GRID1: variants seen among roughly 807,000 people sequenced by gnomAD.
GRID1 encodes glutamate receptor ionotropic, delta-1.
GRID1 carries 28 observed loss-of-function variants against 98.0 expected under a neutral mutation model. That is an observed-to-expected ratio of 0.29 (90% CI 0.21 to 0.39). GRID1 has a LOEUF of 0.39. Ranked by LOEUF, GRID1 falls within the 10% of genes least tolerant of loss-of-function variation. The pLI, the probability that GRID1 is intolerant of heterozygous loss-of-function variation, is 1.00. For synonymous variants in GRID1, 553 were observed against 538.5 expected, an observed-to-expected ratio of 1.03 and a Z score of -0.37; for missense variants, 1,111 against 1,340.5, an observed-to-expected ratio of 0.83 and a Z score of 2.67.
Position 86,116,456 on chromosome 10 carries a change from C to T in GRID1, c.726+22363G>A, listed in dbSNP as rs148423312. On this transcript the variant is annotated intron_variant, in intron 4 of 15. Transcript: ENST00000327946. ...GGGAGGAGCCCAGGGTGAGAAGCTG[C>T]CCTTCCCAAACAGCTGGAAGGATCA... is the stretch of plus-strand genomic sequence containing the variant. Among the ~76,000 whole-genome samples, 1,070 of 152,212 alleles carry T rather than the reference C, an allele frequency of 7.0e-3. 13 individuals carry two copies. The highest frequency in any genetic ancestry group is 0.024 in the Middle Eastern group (7 of 294).
chr10:86,286,281 G>A (rs879623410), intron 2 of GRID1, among the ~76,000 whole-genome samples: 4 of 152,158 alleles, frequency 2.6e-5, no homozygotes, highest in African/African-American at 9.7e-5. Context: ...CAAGCATGAC[G>A]GTGAGCCTGG....
intron 8 of GRID1, among the ~76,000 whole-genome samples, chr10:85,776,147 G>T (rs185164057): frequency 6.6e-6 from 1 of 152,112 alleles, no homozygotes; most frequent in South Asian, 2.1e-4. Flanking sequence ...TCTTAACTAC[G>T]ATGCCCTTGC....
intron 2 of GRID1, among the ~76,000 whole-genome samples, chr10:86,279,973 A>G (rs1163504757): frequency 2.0e-5 from 3 of 152,210 alleles, no homozygotes; most frequent in South Asian, 2.1e-4. Flanking sequence ...GGAGCGACAG[A>G]CAAGAGATCA....
At chr10:85,878,919 G>T (rs1284081581) in intron 5 of GRID1, among the ~76,000 whole-genome samples, 2 of 152,106 alleles carry the variant, frequency 1.3e-5, no homozygotes, top group Admixed American at 6.5e-5. Context: ...TAAAGGGATG[G>T]AGGAAGATCT....
At chr10:86,329,340 A>G (rs1485201456) in intron 2 of GRID1, among the ~76,000 whole-genome samples, 1 of 152,184 alleles carries the variant, frequency 6.6e-6, no homozygotes, top group African/African-American at 2.4e-5. Flanking sequence ...GCAAGTGAAC[A>G]TGCTGTGGTT....
intron 2 of GRID1, among the ~76,000 whole-genome samples, chr10:86,352,200 T>C (rs577589699): frequency 5.3e-5 from 8 of 152,328 alleles, no homozygotes; most frequent in African/African-American, 1.9e-4. Flanking sequence ...CAGAGGTACA[T>C]GGATCTTCAG....
intron 2 of GRID1, among the ~76,000 whole-genome samples, chr10:86,226,842 A>G (rs779155661): frequency 6.6e-6 from 1 of 151,602 alleles, no homozygotes; most frequent in Non-Finnish European, 1.5e-5. Flanking sequence ...GAGCTCAGCC[A>G]GCTTGCACAC....
At chr10:86,014,037 C>CCACT (rs1192611021) in intron 4 of GRID1, among the ~76,000 whole-genome samples, 2 of 152,162 alleles carry the variant, frequency 1.3e-5, no homozygotes, top group Non-Finnish European at 2.9e-5. Flanking sequence ...CTGCTCTGAT[C>CCACT]CACTCACTGG....
chr10:86,284,117 T>C (rs1847395444), intron 2 of GRID1, among the ~76,000 whole-genome samples: 1 of 147,366 alleles, frequency 6.8e-6, no homozygotes, highest in Non-Finnish European at 1.5e-5. Flanking sequence ...TACGCCTGCA[T>C]ATACACACCT....
intron 3 of GRID1, among the ~76,000 whole-genome samples, chr10:86,199,144 T>C (rs1169437329): frequency 6.6e-6 from 1 of 152,128 alleles, no homozygotes; most frequent in African/African-American, 2.4e-5. Context: ...CTGTGTTTCC[T>C]TTCCTTAAAC....
chr10:85,748,212 GA>G (rs1270608893), intron 8 of GRID1, among the ~76,000 whole-genome samples: 1 of 152,124 alleles, frequency 6.6e-6, no homozygotes, highest in Non-Finnish European at 1.5e-5. Flanking sequence ...GAAAGAAATG[GA>G]ATGGAATGGA....
At chr10:85,705,219 C>T (rs1027259276) in intron 12 of GRID1, among the ~76,000 whole-genome samples, 24 of 151,990 alleles carry the variant, frequency 1.6e-4, no homozygotes, top group African/African-American at 5.3e-4. Context: ...TGATAGACTC[C>T]TAGCAAGACT....
rs1842543336 is a variant in GRID1 at position 85,981,447 on chromosome 10, C to T, written c.727-65208G>A. On this transcript the variant is annotated intron_variant, in intron 4 of 15. Coordinates refer to ENST00000327946, the MANE Select transcript of GRID1 (RefSeq NM_017551.3). The stretch of plus-strand genomic sequence containing the variant: ...AGGGATGCTAACTTCACAAGGGCTA[C>T]AATGCCTACTTGGCTTTTGATGGGA... Among the ~76,000 whole-genome samples the T allele has an allele frequency of 3.9e-5, 6 of 152,336 alleles. 1 individual carries two copies. The South Asian group carries it at 1.2e-3, about 32-fold the overall frequency.
chr10:85,996,134 T>C (rs1842736446), intron 4 of GRID1, among the ~76,000 whole-genome samples: 1 of 152,154 alleles, frequency 6.6e-6, no homozygotes, highest in Non-Finnish European at 1.5e-5. Context: ...TCACAGAATG[T>C]AAGTGAAACC....
At chr10:85,750,980 G>C (rs1842040550) in intron 8 of GRID1, among the ~76,000 whole-genome samples, 1 of 152,220 alleles carries the variant, frequency 6.6e-6, no homozygotes, top group East Asian at 1.9e-4. Flanking sequence ...ATGTTGGATA[G>C]TAATTGAATA....
chr10:85,700,705 A>C (rs187943116), intron 12 of GRID1, among the ~76,000 whole-genome samples: 7 of 152,300 alleles, frequency 4.6e-5, no homozygotes, highest in African/African-American at 1.7e-4. Context: ...CAAAAATGAG[A>C]TATTCCCTCC....
chr10:86,108,602 T>G (rs1345902838), intron 4 of GRID1, among the ~76,000 whole-genome samples: 1 of 152,160 alleles, frequency 6.6e-6, no homozygotes, highest in East Asian at 1.9e-4. Flanking sequence ...ATCCCTGGGA[T>G]GGAGCAGTGC....
chr10:86,233,732 T>C (rs1235443127), intron 2 of GRID1, among the ~76,000 whole-genome samples: 1 of 151,992 alleles, frequency 6.6e-6, no homozygotes, highest in Non-Finnish European at 1.5e-5. Context: ...CCTGCTTCCC[T>C]CCATAAATCT....
intron 2 of GRID1, among the ~76,000 whole-genome samples, chr10:86,266,658 G>A (rs1487340061): frequency 2.0e-5 from 3 of 152,228 alleles, no homozygotes; most frequent in Non-Finnish European, 4.4e-5. Flanking sequence ...TCTGTGGCCT[G>A]GCAAGAGAGA....
Sources: gnomAD v4.1 joint callset for allele counts (sites outside exome capture counted in the v4.1 genomes callset) on GRCh38, gnomAD v4.1.1 for gene constraint, MANE v1.5 for transcripts, NCBI Gene and HGNC (gene_info 2026-07-23, HGNC 2026-07-21) for gene names.